The following SH3D19 variants were observed in gnomAD, a reference collection of about 807,000 sequenced individuals.
SH3D19 encodes SH3 domain-containing protein 19.
A neutral mutation model predicts 112.1 loss-of-function variants in SH3D19; 58 were observed. The ratio of observed to expected loss-of-function variants is 0.52; its 90% CI spans 0.42 to 0.64. The LOEUF (loss-of-function observed/expected upper bound fraction) is 0.64, where lower values mean the gene tolerates loss of function less well. Among genes scored for constraint, SH3D19 ranks in the 30% least tolerant of loss-of-function variants. The probability of loss-of-function intolerance (pLI) is 0.00; values close to 1 mark genes in which losing one functional copy is unlikely to be tolerated. For synonymous variants in SH3D19, 391 were observed against 448.5 expected (o/e 0.87, Z 1.62); for missense variants, 1,090 against 1,263.4 (o/e 0.86, Z 2.08).
At chr4:151,128,406 T>C (rs1439522817) in intron 17 of SH3D19, 50 bp from the exon 18 acceptor site, 4 of 1,498,702 alleles carry the variant, frequency 2.7e-6, no homozygotes, top group East Asian at 4.8e-5. Context: ...TTATTTGAAA[T>C]TGAGTTCTAC....
chr4:151,143,976 G>T lies in SH3D19; in HGVS notation c.2157C>A (p.Gly719=), dbSNP rs1157924165. 6.2e-7 allele frequency: 1 copy of T among 1,614,040 alleles called. No homozygotes were observed. Among genetic ancestry groups the T allele is most frequent in the Non-Finnish European group, 8.5e-7 (1 of 1,179,982 alleles). The stretch of plus-strand genomic sequence containing the variant: ...TCTTCATTTGAGACAGGTGAACTCT[G>T]CCAGTGTCTTCTCCCTTTTGGCACT... ...YLECQKGEDT[G]RVHLSQMKII... Residue 719 remains glycine, a synonymous_variant, in exon 12 of 20, where the codon GGC becomes GGA. Coordinates refer to ENST00000604030, the MANE Select transcript of SH3D19 (RefSeq NM_001378122.1).
In SH3D19 at chr4:151,236,216, C is replaced by T. The variant is rs375334247; in HGVS notation, c.113-10130G>A. 3.3e-5 allele frequency among the ~76,000 whole-genome samples: 5 copies of T among 152,384 alleles called. No individual in the cohort carries two copies. In the East Asian group the frequency reaches 5.8e-4, roughly 18 times the overall value. On this transcript the variant is annotated intron_variant, in intron 1 of 19. Coordinates refer to ENST00000604030, the MANE Select transcript of SH3D19 (RefSeq NM_001378122.1). ...CTCTGGGGCTGGCCGAGGCCAGAGC[C>T]GGCTCCCTCAGCTCGTGGAGAGGTG... is the stretch of plus-strand genomic sequence containing the variant.
chr4:151,211,109 A>G (rs1350817886), intron 2 of SH3D19, among the ~76,000 whole-genome samples: 1 of 152,188 alleles, frequency 6.6e-6, no homozygotes, highest in African/African-American at 2.4e-5. Context: ...TATCTGTATT[A>G]AAAATACAAA....
chr4:151,217,453 T>C (rs925531739), intron 2 of SH3D19, among the ~76,000 whole-genome samples: 3 of 152,198 alleles, frequency 2.0e-5, no homozygotes, highest in African/African-American at 7.2e-5. Context: ...AACTATGTGC[T>C]ACAAATATTC....
At chr4:151,169,370 G>C (rs554300881) in intron 7 of SH3D19, among the ~76,000 whole-genome samples, 1 of 152,142 alleles carries the variant, frequency 6.6e-6, no homozygotes, top group Admixed American at 6.5e-5. Flanking sequence ...GGCAGGAGTG[G>C]TCTGTTTAAT....
At chr4:151,274,093 G>A (rs1264734071) in intron 1 of SH3D19, among the ~76,000 whole-genome samples, 4 of 152,132 alleles carry the variant, frequency 2.6e-5, no homozygotes, top group African/African-American at 9.7e-5. Context: ...CATTAAAAAT[G>A]TATTCAGAAA....
chr4:151,171,832 A>G (rs111383854), intron 7 of SH3D19, among the ~76,000 whole-genome samples: 44 of 152,316 alleles, frequency 2.9e-4, no homozygotes, highest in African/African-American at 8.7e-4. Context: ...ACAACTGGGT[A>G]TGATTTGTAA....
At chr4:151,156,944 G>T (rs1016889495) in intron 9 of SH3D19, among the ~76,000 whole-genome samples, 1 of 152,126 alleles carries the variant, frequency 6.6e-6, no homozygotes, top group Admixed American at 6.6e-5. Context: ...GAATACAAAA[G>T]AAACTCAAAC....
rs766555547 is a variant in SH3D19, at chr4:151,133,053, G to T, written c.2670C>A (p.Thr890=). The change falls in exon 16 of 20, where the codon ACC becomes ACA. Residue 890 remains threonine, a synonymous_variant. Transcript: ENST00000604030. ...NFVEPVEDYP[T]SGANVLSTKV... Reference sequence around the variant, plus strand: ...ACTCACTTAAAACATTTGCACCAGAGGTGGGATAATCCTCAACAGGCTCCA... The same window carrying T: ...ACTCACTTAAAACATTTGCACCAGATGTGGGATAATCCTCAACAGGCTCCA... 2 of 1,613,958 alleles carry T rather than the reference G, an allele frequency of 1.2e-6. No homozygotes were observed. Among genetic ancestry groups the T allele is most frequent in the Admixed American group, 1.7e-5 (1 of 60,022 alleles).
At chr4:151,307,017 CTTTTTTTT>C (rs750863632) in intron 1 of SH3D19, among the ~76,000 whole-genome samples, 2 of 122,926 alleles carry the variant, frequency 1.6e-5, no homozygotes, top group African/African-American at 3.1e-5. Flanking sequence ...ATGATGACTT[CTTTTTTTT>C]TTTTTTTTTT....
chr4:151,155,259 G>A (rs1401465912), intron 9 of SH3D19, among the ~76,000 whole-genome samples: 1 of 152,140 alleles, frequency 6.6e-6, no homozygotes, highest in Non-Finnish European at 1.5e-5. Context: ...CGTTAGTAAG[G>A]TAGGAACCCT....
intron 9 of SH3D19, among the ~76,000 whole-genome samples, chr4:151,150,176 C>T (rs1754674820): frequency 1.6e-5 from 1 of 63,224 alleles, no homozygotes; most frequent in East Asian, 5.5e-4. Flanking sequence ...CAGAGCAAGA[C>T]TCCATCTCAA....
intron 1 of SH3D19, among the ~76,000 whole-genome samples, chr4:151,255,512 G>T (rs146672469): frequency 2.0e-5 from 3 of 149,536 alleles, no homozygotes; most frequent in Non-Finnish European, 4.5e-5. Context: ...GTGAGATGGC[G>T]GCCGGGCGGA....
rs1770000781 is a variant in SH3D19, at chr4:151,235,954, ATAGC to A, written c.113-9872_113-9869del. Among the ~76,000 whole-genome samples the A allele has an allele frequency of 2.0e-5, 3 of 152,340 alleles. No homozygotes were observed. The South Asian group carries it at 6.2e-4, about 32-fold the overall frequency. On this transcript the variant is annotated intron_variant, in intron 1 of 19. Coordinates refer to ENST00000604030, the MANE Select transcript of SH3D19 (RefSeq NM_001378122.1). ...CCGTGTCCAGCACCAGGCCTGACCC[ATAGC>A]TACCACTTCTCAAATGAACTGAACT...
rs144248663 is a variant in SH3D19 at position 151,300,156 on chromosome 4, A to G, written c.112+25085T>C. 2.3e-3 allele frequency among the ~76,000 whole-genome samples: 348 copies of G among 151,982 alleles called. 2 individuals are homozygous for G. The highest frequency in any genetic ancestry group is 8.2e-3 in the African/African-American group (340 of 41,430). The stretch of plus-strand genomic sequence containing the variant: ...GCGGAGGTTGCAGTGAGCCGACATC[A>G]TGCTATTGCACTCCAGCCTGGGCAA... On this transcript the variant is annotated intron_variant, in intron 1 of 19. Coordinates refer to ENST00000604030, the MANE Select transcript of SH3D19 (RefSeq NM_001378122.1).
chr4:151,199,441 A>T (rs1272941696), intron 2 of SH3D19, among the ~76,000 whole-genome samples: 1 of 152,202 alleles, frequency 6.6e-6, no homozygotes, highest in Admixed American at 6.5e-5. Flanking sequence ...GCAGGTATGG[A>T]GTTCAGCAGA....
chr4:151,127,870 T>C (rs769148658), intron 18 of SH3D19, among the ~76,000 whole-genome samples, 155 bp from the exon 19 acceptor site: 8 of 152,374 alleles, frequency 5.3e-5, no homozygotes, highest in South Asian at 4.1e-4. Context: ...TTTAAAAACA[T>C]GTTCAATTAA....
rs1012488813 is a variant in SH3D19 at position 151,277,085 on chromosome 4, A to G, written c.112+48156T>C. The G allele has an allele frequency of 3.7e-5, 37 of 995,008 alleles. No individual in the cohort carries two copies. The African/African-American group carries it at 5.9e-4, about 16-fold the overall frequency. The allele number at this position is 995,008 out of a possible 1,614,324, so 61.6% of individuals were successfully genotyped here. ...GAAGCAGAGGAATCCATCTAGGAGA[A>G]GCTAGTTCTGGCAGCTCCCCATTGG... is the stretch of plus-strand genomic sequence containing the variant. On this transcript the variant is annotated intron_variant, in intron 1 of 19. Transcript: ENST00000604030.
chr4:151,239,566 A>T (rs190639264), intron 1 of SH3D19, among the ~76,000 whole-genome samples: 1 of 152,340 alleles, frequency 6.6e-6, no homozygotes, highest in African/African-American at 2.4e-5. Flanking sequence ...TGTAATGAAA[A>T]ATGTACTGTT....
Sources: allele counts gnomAD v4.1 joint callset (sites outside exome capture counted in the v4.1 genomes callset), GRCh38; gene constraint gnomAD v4.1.1; transcripts MANE v1.5; gene names NCBI Gene and HGNC (gene_info 2026-07-23, HGNC 2026-07-21).